MMS22L: variants seen among roughly 807,000 people sequenced by gnomAD.
MMS22L encodes the protein protein MMS22-like.
MMS22L carries 74 observed loss-of-function variants against 159.1 expected under a neutral mutation model. The ratio of observed to expected loss-of-function variants is 0.47; its 90% CI spans 0.39 to 0.56. MMS22L has a LOEUF of 0.56. Among genes scored for constraint, MMS22L ranks in the 20% least tolerant of loss-of-function variants. The pLI is 0.00. For missense variants in MMS22L, 1,351 were observed against 1,422.1 expected (o/e 0.95, Z 0.80); for synonymous variants, 517 against 506.9 (o/e 1.02, Z -0.27).
chr6:97,160,046 T>G lies in MMS22L; in HGVS notation c.3385+1956A>C, dbSNP rs535509555. 3.3e-5 allele frequency among the ~76,000 whole-genome samples: 5 copies of G among 151,162 alleles called. No individual in the cohort carries two copies. In the East Asian group the frequency reaches 9.7e-4, roughly 29 times the overall value. On this transcript the variant is annotated intron_variant, in intron 22 of 24. Coordinates refer to ENST00000683635, the MANE Select transcript of MMS22L (RefSeq NM_001350599.2). Reference sequence around the variant, plus strand: ...TACTGTTTTCTCTCACCACCTCCTTTTTATTGTTATTGATAAAATACTATA... The same window carrying G: ...TACTGTTTTCTCTCACCACCTCCTTGTTATTGTTATTGATAAAATACTATA...
intron 22 of MMS22L, among the ~76,000 whole-genome samples, chr6:97,157,437 A>G (rs927302001): frequency 6.6e-6 from 1 of 152,206 alleles, no homozygotes; most frequent in Admixed American, 6.5e-5. Flanking sequence ...TCCATTCAGT[A>G]CGATATTGGC....
At chr6:97,255,538 G>A (rs575193978) in intron 9 of MMS22L, among the ~76,000 whole-genome samples, 37 of 151,874 alleles carry the variant, frequency 2.4e-4, no homozygotes, top group African/African-American at 8.9e-4. Flanking sequence ...ACTATGAAGG[G>A]CTTATTGCTA....
chr6:97,169,406 C>T (rs144123846), intron 19 of MMS22L, among the ~76,000 whole-genome samples: 51 of 152,190 alleles, frequency 3.4e-4, no homozygotes, highest in Admixed American at 8.5e-4. Flanking sequence ...CACAGTGGTA[C>T]ATCTACTGCA....
chr6:97,272,734 T>C lies in MMS22L; in HGVS notation c.576A>G (p.Ile192Met), dbSNP rs1374377865. The C allele has an allele frequency of 2.5e-6, 4 of 1,610,542 alleles. No homozygotes were observed. In the East Asian group the frequency reaches 6.7e-5, roughly 27 times the overall value. ...TCTGGTTTTGATTTACAAATGCTCC[T>C]ATATTAACACTGGGAAGTTCAGATA... ...GHLSELPSVN[I>M]GAFVNQNQIK... Residue 192 changes from isoleucine (I) to methionine (M), a missense_variant, in exon 6 of 25, where the codon ATA becomes ATG. Physicochemically the swap from Ile to Met is conservative, Grantham distance 10. Coordinates refer to ENST00000683635, the MANE Select transcript of MMS22L (RefSeq NM_001350599.2).
intron 7 of MMS22L, 47 bp from the exon 8 acceptor site, chr6:97,268,049 C>T: frequency 7.6e-7 from 1 of 1,316,286 alleles, no homozygotes; most frequent in South Asian, 1.8e-5. Context: ...TTTACTAAGT[C>T]AGAAAGGAAA....
intron 11 of MMS22L, among the ~76,000 whole-genome samples, chr6:97,236,449 T>A (rs1464961616): frequency 6.6e-6 from 1 of 152,034 alleles, no homozygotes; most frequent in Admixed American, 6.6e-5. Flanking sequence ...AAGTCAATCA[T>A]CTTAGTAAAA....
At chr6:97,224,782 T>C (rs1250365005) in intron 14 of MMS22L, among the ~76,000 whole-genome samples, 5 of 151,928 alleles carry the variant, frequency 3.3e-5, no homozygotes, top group African/African-American at 1.2e-4. Context: ...TTTAGTTATC[T>C]GTAAACTTAT....
chr6:97,255,821 T>C (rs1813738573), intron 9 of MMS22L, among the ~76,000 whole-genome samples: 1 of 152,154 alleles, frequency 6.6e-6, no homozygotes, highest in South Asian at 2.1e-4. Flanking sequence ...ACCATGTTAT[T>C]AGCCACATGC....
intron 11 of MMS22L, among the ~76,000 whole-genome samples, chr6:97,238,928 A>AC (rs1328317641): frequency 4.0e-5 from 5 of 125,702 alleles, no homozygotes; most frequent in African/African-American, 1.5e-4. Context: ...TCAAAAAAAA[A>AC]AAAAAGAAAA....
chr6:97,144,524 T>C lies in MMS22L; in HGVS notation c.*2282A>G, dbSNP rs1375930874. ...ATGGGAAGATAAAAGAAAATACAAT[T>C]GTCACAGAGAGGACAAAGAACATGA... On this transcript the variant is annotated 3_prime_UTR_variant, in exon 25 of 25. Coordinates refer to ENST00000683635, the MANE Select transcript of MMS22L (RefSeq NM_001350599.2). 1 of 152,192 alleles carries C rather than the reference T, an allele frequency of 6.6e-6. No homozygotes were observed. The highest frequency in any genetic ancestry group is 1.5e-5 in the Non-Finnish European group (1 of 68,070). The allele number at this position is 152,192 out of a possible 1,614,324, so 9.4% of individuals were successfully genotyped here.
intron 4 of MMS22L, among the ~76,000 whole-genome samples, chr6:97,273,695 T>G (rs1815980658): frequency 6.6e-6 from 1 of 152,178 alleles, no homozygotes; most frequent in Admixed American, 6.6e-5. Flanking sequence ...ACCAGTAGCC[T>G]ATATGGTTCT....
At chr6:97,246,052 G>T in intron 11 of MMS22L, 1 of 266,970 alleles carries the variant, frequency 3.7e-6, no homozygotes, top group Non-Finnish European at 7.5e-6. Context: ...ACTTTACAGG[G>T]CTTCCATACA....
chr6:97,178,285 A>C (rs968694310), intron 18 of MMS22L, among the ~76,000 whole-genome samples, 158 bp downstream of exon 18: 8 of 152,026 alleles, frequency 5.3e-5, no homozygotes, highest in African/African-American at 1.2e-4. Flanking sequence ...CCTTAGATTC[A>C]CATTTTTCTT....
chr6:97,168,737 C>T (rs531280193), intron 19 of MMS22L, among the ~76,000 whole-genome samples: 1 of 152,210 alleles, frequency 6.6e-6, no homozygotes, highest in East Asian at 1.9e-4. Flanking sequence ...TACACTCACA[C>T]ATACAGTGGA....
intron 2 of MMS22L, among the ~76,000 whole-genome samples, chr6:97,281,769 A>G (rs1228576807): frequency 6.6e-6 from 1 of 152,232 alleles, no homozygotes; most frequent in Non-Finnish European, 1.5e-5. Flanking sequence ...ATTTCTAACA[A>G]GGTACAACTA....
chr6:97,222,012 T>C (rs1227475020), intron 14 of MMS22L, among the ~76,000 whole-genome samples: 1 of 152,128 alleles, frequency 6.6e-6, no homozygotes, highest in Non-Finnish European at 1.5e-5. Flanking sequence ...GTATCATTTC[T>C]ATTTTTCCTG....
At chr6:97,229,440 T>C in intron 13 of MMS22L, 37 bp from the exon 14 acceptor site, 1 of 1,402,312 alleles carries the variant, frequency 7.1e-7, no homozygotes, top group Non-Finnish European at 9.5e-7. Context: ...TAAAATTGTT[T>C]CATTCACAAA....
At position 97,277,548 on chromosome 6, in the gene MMS22L, A is replaced by AACAC. The variant is rs148516763; in HGVS notation, c.340+1297_340+1300dup. Among the ~76,000 whole-genome samples the AACAC allele has an allele frequency of 8.3e-4, 125 of 151,210 alleles. 1 individual carries two copies. Among genetic ancestry groups the AACAC allele is most frequent in the African/African-American group, 2.8e-3 (114 of 41,276 alleles). The stretch of plus-strand genomic sequence containing the variant: ...ATGCAATCACACACACTCCAAACAA[A>AACAC]ACACACACACACACACAAAATGAAC... On this transcript the variant is annotated intron_variant, in intron 4 of 24. Transcript: ENST00000683635.
At chr6:97,257,899 T>G (rs1814001270) in intron 9 of MMS22L, among the ~76,000 whole-genome samples, 1 of 152,264 alleles carries the variant, frequency 6.6e-6, no homozygotes, top group Non-Finnish European at 1.5e-5. Context: ...TAACAAACTA[T>G]GTAAATGTGC....
Sources: gnomAD v4.1 joint callset for allele counts (sites outside exome capture counted in the v4.1 genomes callset) on GRCh38, gnomAD v4.1.1 for gene constraint, MANE v1.5 for transcripts, NCBI Gene and HGNC (gene_info 2026-07-23, HGNC 2026-07-21) for gene names.